The following NEDD4L variants were observed in gnomAD, a reference collection of about 807,000 sequenced individuals.
NEDD4L encodes the protein E3 ubiquitin-protein ligase NEDD4-like.
A neutral mutation model predicts 148.9 loss-of-function variants in NEDD4L; 54 were observed. The observed-to-expected ratio is 0.36, with a 90% CI of 0.29 to 0.45. The LOEUF is 0.45. Among genes scored for constraint, NEDD4L ranks in the 20% least tolerant of loss-of-function variants. NEDD4L has a pLI of 1.00. For synonymous variants in NEDD4L, 433 were observed against 440.7 expected, an observed-to-expected ratio of 0.98 and a Z score of 0.22; for missense variants, 856 against 1,233.8, an observed-to-expected ratio of 0.69 and a Z score of 4.59.
chr18:58,291,419 G>C (rs544211357), intron 5 of NEDD4L, among the ~76,000 whole-genome samples: 10 of 152,200 alleles, frequency 6.6e-5, no homozygotes, highest in Admixed American at 1.3e-4. Context: ...AAATTGGTAA[G>C]CAATATTTCT....
At chr18:58,255,397 G>C in intron 5 of NEDD4L, 1 of 715,052 alleles carries the variant, frequency 1.4e-6, no homozygotes, top group Non-Finnish European at 1.9e-6. Context: ...GCGGTCATGT[G>C]GTTCTGGCCA....
rs531570030 is a variant in NEDD4L at position 58,294,147 on chromosome 18, T to TA, written c.298-21834dup. Reference sequence around the variant, plus strand: ...CATGGGAAATCTGATAAGGAATCGATATCACGGAAATACACATCACACTTT... The same window carrying TA: ...CATGGGAAATCTGATAAGGAATCGATAATCACGGAAATACACATCACACTTT... On this transcript the variant is annotated intron_variant, in intron 5 of 30. Coordinates refer to ENST00000400345, the MANE Select transcript of NEDD4L (RefSeq NM_001144967.3). Among the ~76,000 whole-genome samples the TA allele has an allele frequency of 2.3e-3, 356 of 152,344 alleles. 3 individuals carry two copies. The highest frequency in any genetic ancestry group is 0.01 in the Middle Eastern group (3 of 294).
At position 58,380,886 on chromosome 18, in the gene NEDD4L, CT is replaced by C. The variant is rs1403576891; in HGVS notation, c.2353-2356del. On this transcript the variant is annotated intron_variant, in intron 24 of 30. Coordinates refer to ENST00000400345, the MANE Select transcript of NEDD4L (RefSeq NM_001144967.3). The stretch of plus-strand genomic sequence containing the variant: ...TTTCAAATTAATATATCACACATAC[CT>C]TTTCATGTCACTGAATATCAGTCTA... 3.9e-5 allele frequency among the ~76,000 whole-genome samples: 6 copies of C among 152,220 alleles called. No homozygotes were observed. In the East Asian group the frequency reaches 7.7e-4, roughly 20 times the overall value.
chr18:58,184,880 A>G (rs1171319596), intron 2 of NEDD4L, among the ~76,000 whole-genome samples: 1 of 151,956 alleles, frequency 6.6e-6, no homozygotes, highest in East Asian at 1.9e-4. Context: ...GGGAGCCGAG[A>G]TGGCACCACT....
intron 18 of NEDD4L, among the ~76,000 whole-genome samples, chr18:58,355,796 T>G (rs1364123086): frequency 6.7e-6 from 1 of 150,008 alleles, no homozygotes; most frequent in Non-Finnish European, 1.5e-5. Flanking sequence ...TCACTTGCTT[T>G]GGTAGCTTTT....
intron 1 of NEDD4L, among the ~76,000 whole-genome samples, chr18:58,122,727 TTTC>T (rs1265220793): frequency 6.6e-6 from 1 of 152,118 alleles, no homozygotes; most frequent in African/African-American, 2.4e-5. Context: ...ATGGATTTTT[TTTC>T]TTTTTTCTTT....
chr18:58,106,126 A>G (rs766174213), intron 1 of NEDD4L, among the ~76,000 whole-genome samples: 15 of 152,348 alleles, frequency 9.8e-5, no homozygotes, highest in South Asian at 2.1e-4. Flanking sequence ...TCTGGGTAGC[A>G]GATGGTCCCC....
Position 58,250,395 on chromosome 18 carries a change from G to A in NEDD4L, c.243+1458G>A, listed in dbSNP as rs569408755. Among the ~76,000 whole-genome samples, 56 of 152,204 alleles carry A rather than the reference G, an allele frequency of 3.7e-4. No homozygotes were observed. The South Asian group carries it at 6.0e-3, about 16-fold the overall frequency. Reference sequence around the variant, plus strand: ...ACTCTCCTGACCTCGTGATCTGCCCGCCTTGGCCTCCCAAAGTTCTGGGAT... The same window carrying A: ...ACTCTCCTGACCTCGTGATCTGCCCACCTTGGCCTCCCAAAGTTCTGGGAT... On this transcript the variant is annotated intron_variant, in intron 4 of 30. Transcript: ENST00000400345.
intron 1 of NEDD4L, among the ~76,000 whole-genome samples, chr18:58,156,096 A>G (rs2035458702): frequency 6.6e-6 from 1 of 151,916 alleles, no homozygotes; most frequent in South Asian, 2.1e-4. Flanking sequence ...GTCCTTAGCC[A>G]CTCCTTGAAC....
intron 2 of NEDD4L, among the ~76,000 whole-genome samples, chr18:58,212,523 G>C (rs2088126612): frequency 6.6e-6 from 1 of 152,148 alleles, no homozygotes; most frequent in South Asian, 2.1e-4. Flanking sequence ...GGAAAAACCT[G>C]CATCTGTGAT....
intron 17 of NEDD4L, among the ~76,000 whole-genome samples, chr18:58,349,934 T>G (rs1212160161): frequency 6.6e-6 from 1 of 152,232 alleles, no homozygotes; most frequent in African/African-American, 2.4e-5. Flanking sequence ...TAGCAACCAC[T>G]GAGTTTCAGT....
intron 1 of NEDD4L, among the ~76,000 whole-genome samples, chr18:58,149,810 G>A (rs535778601): frequency 1.4e-4 from 21 of 152,262 alleles, no homozygotes; most frequent in African/African-American, 5.1e-4. Context: ...TACAGCTTTG[G>A]GAAACAAATT....
chr18:58,105,540 G>C (rs2085021305), intron 1 of NEDD4L, among the ~76,000 whole-genome samples: 1 of 152,138 alleles, frequency 6.6e-6, no homozygotes, highest in South Asian at 2.1e-4. Flanking sequence ...ATGACTATGG[G>C]AATCTGTTTA....
intron 3 of NEDD4L, 63 bp downstream of exon 3, chr18:58,245,571 A>G: frequency 1.2e-6 from 1 of 854,306 alleles, no homozygotes; most frequent in East Asian, 2.7e-5. Flanking sequence ...ATGCACAGTC[A>G]TGTGCTGCTT....
chr18:58,330,609 A>G (rs2059710116), intron 10 of NEDD4L, 129 bp from the exon 11 acceptor site: 1 of 593,168 alleles, frequency 1.7e-6, no homozygotes. Context: ...TGTGTGCCTC[A>G]TGAGAGGCAC....
rs1027740396 is a variant in NEDD4L at position 58,272,672 on chromosome 18, A to G, written c.297+20618A>G. On this transcript the variant is annotated intron_variant, in intron 5 of 30. Transcript: ENST00000400345. ...ATTAATCCCGACCTTCCTCCAAAAA[A>G]GAATAAATTAAGTCCAGAAAGTTTG... Among the ~76,000 whole-genome samples the G allele has an allele frequency of 5.9e-5, 9 of 152,148 alleles. No individual in the cohort carries two copies. The East Asian group carries it at 1.7e-3, about 29-fold the overall frequency.
intron 2 of NEDD4L, among the ~76,000 whole-genome samples, chr18:58,206,832 C>T (rs920748051): frequency 1.3e-5 from 2 of 152,136 alleles, no homozygotes; most frequent in African/African-American, 2.4e-5. Flanking sequence ...TATTACAGCA[C>T]GAACATACAG....
intron 27 of NEDD4L, 60 bp from the exon 28 acceptor site, chr18:58,389,025 C>A: frequency 1.5e-6 from 2 of 1,368,744 alleles, no homozygotes; most frequent in Non-Finnish European, 2.1e-6. Context: ...GGTCATTTCT[C>A]AGTGTGTGAT....
At chr18:58,177,873 A>C (rs76617185) in intron 2 of NEDD4L, among the ~76,000 whole-genome samples, 2,826 of 152,350 alleles carry the variant, frequency 0.019, 82 homozygotes, top group African/African-American at 0.064. Context: ...GGTTATTTAT[A>C]AGTTAAGTGA....
Sources: gnomAD v4.1 joint callset for allele counts (sites outside exome capture counted in the v4.1 genomes callset) on GRCh38, gnomAD v4.1.1 for gene constraint, MANE v1.5 for transcripts, NCBI Gene and HGNC (gene_info 2026-07-23, HGNC 2026-07-21) for gene names.